GRM7: variants seen among roughly 807,000 people sequenced by gnomAD.
The protein encoded by GRM7 is metabotropic glutamate receptor 7.
A neutral mutation model predicts 84.5 loss-of-function variants in GRM7; 35 were observed. The ratio of observed to expected loss-of-function variants is 0.41; its 90% CI spans 0.32 to 0.55. GRM7 has a LOEUF of 0.55. GRM7 is among the 20% of genes least tolerant of loss of function. The pLI, the probability that GRM7 is intolerant of heterozygous loss-of-function variation, is 0.19. For missense variants in GRM7, 1,003 were observed against 1,194.6 expected (o/e 0.84, Z 2.36); for synonymous variants, 487 against 455.1 (o/e 1.07, Z -0.89).
intron 4 of GRM7, among the ~76,000 whole-genome samples, chr3:7,350,252 C>T (rs1693078647): frequency 6.6e-6 from 1 of 152,046 alleles, no homozygotes; most frequent in Non-Finnish European, 1.5e-5. Context: ...TGGTTTGGAT[C>T]TGTGTCCCCA....
chr3:7,189,358 A>G (rs1456455407), intron 2 of GRM7, among the ~76,000 whole-genome samples: 1 of 152,152 alleles, frequency 6.6e-6, no homozygotes, highest in Non-Finnish European at 1.5e-5. Context: ...GTGGCACTGA[A>G]CAAAGTATTA....
At chr3:7,476,567 A>G (rs1448891473) in intron 7 of GRM7, among the ~76,000 whole-genome samples, 2 of 152,154 alleles carry the variant, frequency 1.3e-5, no homozygotes, top group African/African-American at 4.8e-5. Context: ...AAAAATTTAA[A>G]AAAAGAAAAG....
intron 8 of GRM7, among the ~76,000 whole-genome samples, chr3:7,641,697 TAAGG>T (rs151143291): frequency 0.027 from 4,183 of 152,166 alleles, 152 homozygotes; most frequent in African/African-American, 0.082. Context: ...GAAGAGATAA[TAAGG>T]AAAATAATAC....
At chr3:6,906,754 T>C (rs890896421) in intron 1 of GRM7, among the ~76,000 whole-genome samples, 8 of 152,274 alleles carry the variant, frequency 5.3e-5, no homozygotes, top group Non-Finnish European at 7.4e-5. Flanking sequence ...ATTTTTCTTA[T>C]GTTTTTAGCT....
At position 7,044,289 on chromosome 3, in the gene GRM7, AC is replaced by A. The variant is rs1476015993; in HGVS notation, c.520-102161del. ...TCAATTTGTATTTGTATACACGGAT[AC>A]CTTAAGTCTATACCAAAAGCTTTAA... On this transcript the variant is annotated intron_variant, in intron 1 of 9. Coordinates refer to ENST00000357716, the MANE Select transcript of GRM7 (RefSeq NM_000844.4). Among the ~76,000 whole-genome samples, 25 of 152,184 alleles carry A rather than the reference AC, an allele frequency of 1.6e-4. 1 individual carries two copies. Among genetic ancestry groups the A allele is most frequent in the African/African-American group, 6.0e-4 (25 of 41,450 alleles).
chr3:7,522,474 A>G (rs565133680), intron 7 of GRM7, among the ~76,000 whole-genome samples: 250 of 152,224 alleles, frequency 1.6e-3, no homozygotes, highest in African/African-American at 5.9e-3. Flanking sequence ...TTGTAGAGCT[A>G]TGACACCTGC....
rs1701247337 is a variant in GRM7, at chr3:7,332,513, G to A, written c.1033+25861G>A. Among the ~76,000 whole-genome samples, 4 of 152,034 alleles carry A rather than the reference G, an allele frequency of 2.6e-5. No homozygotes were observed. In the South Asian group the frequency reaches 6.2e-4, roughly 24 times the overall value. ...TATGTCTTTGCCTAATTCCCCTCTG[G>A]TTTATATATGAATGAATATCAGAAT... is the stretch of plus-strand genomic sequence containing the variant. On this transcript the variant is annotated intron_variant, in intron 4 of 9. Transcript: ENST00000357716.
chr3:7,120,868 T>C (rs1214285050), intron 1 of GRM7, among the ~76,000 whole-genome samples: 2 of 152,176 alleles, frequency 1.3e-5, no homozygotes, highest in Non-Finnish European at 2.9e-5. Context: ...GTTGGAATTA[T>C]GAAATTCAAG....
intron 1 of GRM7, among the ~76,000 whole-genome samples, chr3:7,056,000 G>T (rs2124962225): frequency 6.6e-6 from 1 of 152,066 alleles, no homozygotes; most frequent in East Asian, 2.0e-4. Context: ...TCAGTAGCCA[G>T]TTAAATGCTT....
chr3:7,022,576 G>T (rs1204194348), intron 1 of GRM7, among the ~76,000 whole-genome samples: 1 of 151,900 alleles, frequency 6.6e-6, no homozygotes, highest in Non-Finnish European at 1.5e-5. Context: ...TGACCTTTCA[G>T]GTTGAAGAAA....
intron 8 of GRM7, among the ~76,000 whole-genome samples, chr3:7,626,608 G>T (rs1281638726): frequency 6.6e-6 from 1 of 152,158 alleles, no homozygotes; most frequent in East Asian, 1.9e-4. Context: ...TGTTTCTTAT[G>T]AAAAGCATGA....
At chr3:7,237,676 A>C (rs1265336065) in intron 2 of GRM7, among the ~76,000 whole-genome samples, 1 of 152,120 alleles carries the variant, frequency 6.6e-6, no homozygotes, top group Non-Finnish European at 1.5e-5. Context: ...CCAAAGAGTG[A>C]GCAGCAGCAA....
chr3:7,528,081 G>A (rs983072621), intron 7 of GRM7, among the ~76,000 whole-genome samples: 1 of 151,992 alleles, frequency 6.6e-6, no homozygotes, highest in Non-Finnish European at 1.5e-5. Flanking sequence ...TTGTGGTATA[G>A]TTTCCGTGGG....
intron 7 of GRM7, among the ~76,000 whole-genome samples, chr3:7,518,907 A>C (rs1700490396): frequency 6.6e-6 from 1 of 152,258 alleles, no homozygotes; most frequent in South Asian, 2.1e-4. Context: ...GTTTTTAAAA[A>C]TAACATTTAA....
At chr3:7,035,051 G>A (rs1010467941) in intron 1 of GRM7, among the ~76,000 whole-genome samples, 49 of 152,158 alleles carry the variant, frequency 3.2e-4, no homozygotes, top group Non-Finnish European at 7.3e-5. Flanking sequence ...GCCAGGTCTG[G>A]AAGAGCAGGT....
chr3:6,906,576 G>T (rs1040441893), intron 1 of GRM7, among the ~76,000 whole-genome samples: 7 of 152,070 alleles, frequency 4.6e-5, no homozygotes, highest in African/African-American at 1.4e-4. Flanking sequence ...GAAGGGAATA[G>T]AAATGAATAT....
At chr3:7,662,383 G>T (rs971157549) in intron 8 of GRM7, among the ~76,000 whole-genome samples, 4 of 152,034 alleles carry the variant, frequency 2.6e-5, no homozygotes, top group South Asian at 4.1e-4. Context: ...ACAGTTTATT[G>T]AGCATGCTTC....
chr3:7,440,357 C>T (rs1697236246), intron 5 of GRM7, among the ~76,000 whole-genome samples: 3 of 152,132 alleles, frequency 2.0e-5, no homozygotes, highest in South Asian at 2.1e-4. Flanking sequence ...ACATTTCTTA[C>T]AGCATCTAGT....
chr3:7,156,734 C>T (rs1032286175), intron 2 of GRM7, among the ~76,000 whole-genome samples: 2 of 152,106 alleles, frequency 1.3e-5, no homozygotes, highest in Non-Finnish European at 2.9e-5. Context: ...ATGACCTTGT[C>T]TTATGCTGCG....
Sources: allele counts gnomAD v4.1 joint callset (sites outside exome capture counted in the v4.1 genomes callset), GRCh38; gene constraint gnomAD v4.1.1; transcripts MANE v1.5; gene names NCBI Gene and HGNC (gene_info 2026-07-23, HGNC 2026-07-21).